The following COL5A2 variants were observed in gnomAD, a reference collection of about 807,000 sequenced individuals.
COL5A2 encodes collagen type V alpha 2 chain, also known as collagen alpha-2(V) chain.
COL5A2 carries 23 observed loss-of-function variants against 208.2 expected under a neutral mutation model. The ratio of observed to expected loss-of-function variants is 0.11; its 90% CI spans 0.08 to 0.16. The LOEUF is 0.16. Among genes scored for constraint, COL5A2 ranks in the 10% least tolerant of loss-of-function variants. The pLI is 1.00. For synonymous variants in COL5A2, 625 were observed against 628.5 expected (o/e 0.99, Z 0.08); for missense variants, 1,590 against 1,956.4 (o/e 0.81, Z 3.53).
chr2:189,123,596 A>G (rs958722905), intron 1 of COL5A2, among the ~76,000 whole-genome samples: 1 of 152,180 alleles, frequency 6.6e-6, no homozygotes, highest in Non-Finnish European at 1.5e-5. Context: ...CACCCCTAGG[A>G]AAGTAACACA....
chr2:189,113,542 G>A (rs898174936), intron 1 of COL5A2, among the ~76,000 whole-genome samples: 5 of 149,654 alleles, frequency 3.3e-5, no homozygotes, highest in Non-Finnish European at 7.4e-5. Flanking sequence ...AACAATATAT[G>A]TATGTTTTAT....
chr2:189,105,987 T>C (rs1174853068), intron 2 of COL5A2, among the ~76,000 whole-genome samples: 1 of 151,494 alleles, frequency 6.6e-6, no homozygotes, highest in Non-Finnish European at 1.5e-5. Context: ...TTCAAGATTT[T>C]ATTTTATTCA....
the COL5A2 span, among the ~76,000 whole-genome samples, chr2:189,400,498 A>G: frequency 6.6e-6 from 1 of 152,062 alleles, no homozygotes; most frequent in Non-Finnish European, 1.5e-5. Context: ...TTTACAGGAT[A>G]TTTTTTTGCA....
the COL5A2 span, among the ~76,000 whole-genome samples, chr2:189,392,015 C>T: frequency 1.3e-5 from 2 of 152,062 alleles, no homozygotes; most frequent in Non-Finnish European, 2.9e-5. Flanking sequence ...TTTATTAAAA[C>T]ATTTTGCCAT....
upstream of COL5A2, among the ~76,000 whole-genome samples, chr2:189,182,518 C>T (rs1184544039): frequency 6.6e-6 from 1 of 152,030 alleles, no homozygotes; most frequent in African/African-American, 2.4e-5. Flanking sequence ...ACTTCTATTA[C>T]CACCACACTG....
At chr2:189,115,396 C>T (rs1345148721) in intron 1 of COL5A2, among the ~76,000 whole-genome samples, 2 of 146,098 alleles carry the variant, frequency 1.4e-5, no homozygotes, top group Admixed American at 6.9e-5. Context: ...CACACAATTA[C>T]ACCTGTGGGG....
At chr2:189,434,905 C>A in the COL5A2 span, among the ~76,000 whole-genome samples, 1 of 152,272 alleles carries the variant, frequency 6.6e-6, no homozygotes, top group East Asian at 1.9e-4. Flanking sequence ...CTGGGGGCAT[C>A]ACGCTACCTG....
the COL5A2 span, among the ~76,000 whole-genome samples, chr2:189,341,162 G>A: frequency 6.6e-6 from 1 of 152,066 alleles, no homozygotes; most frequent in African/African-American, 2.4e-5. Flanking sequence ...AGAAATTTGT[G>A]GTTCAGTTTA....
the COL5A2 span, among the ~76,000 whole-genome samples, chr2:189,254,777 G>C: frequency 6.6e-6 from 1 of 152,216 alleles, no homozygotes; most frequent in Non-Finnish European, 1.5e-5. Context: ...GTTGAGGCAT[G>C]CCAGGAAAAC....
At chr2:189,420,439 T>C in the COL5A2 span, among the ~76,000 whole-genome samples, 1 of 152,172 alleles carries the variant, frequency 6.6e-6, no homozygotes, top group Non-Finnish European at 1.5e-5. Context: ...TAATACTGTA[T>C]TATAGATGCC....
intron 17 of COL5A2, among the ~76,000 whole-genome samples, 159 bp from the exon 18 acceptor site, chr2:189,072,252 C>A (rs1318143286): frequency 6.6e-6 from 1 of 152,116 alleles, no homozygotes; most frequent in African/African-American, 2.4e-5. Context: ...ATTATAAGTA[C>A]CTTCAACATC....
At chr2:189,426,677 A>G in the COL5A2 span, among the ~76,000 whole-genome samples, 614 of 152,352 alleles carry the variant, frequency 4.0e-3, 7 homozygotes, top group African/African-American at 0.014. Context: ...CAGGGTTCAC[A>G]AACTTCAGTA....
At chr2:189,200,296 T>C (rs1026086482) in intron 1 of COL5A2, among the ~76,000 whole-genome samples, 2 of 152,194 alleles carry the variant, frequency 1.3e-5, no homozygotes, top group African/African-American at 2.4e-5. Context: ...TTCACATCTT[T>C]AATTGCTCAA....
intron 35 of COL5A2, 33 bp downstream of exon 35, chr2:189,056,940 T>C (rs192360671): frequency 1.3e-5 from 21 of 1,609,284 alleles, no homozygotes; most frequent in Non-Finnish European, 1.8e-5. Context: ...TGTTGGTTCC[T>C]AGCCCAGCTA....
the COL5A2 span, among the ~76,000 whole-genome samples, chr2:189,403,139 T>C: frequency 6.6e-6 from 1 of 152,198 alleles, no homozygotes; most frequent in South Asian, 2.1e-4. Flanking sequence ...CCTGGTGAGC[T>C]GCATTCCTAT....
At chr2:189,255,728 A>G in the COL5A2 span, among the ~76,000 whole-genome samples, 2 of 152,206 alleles carry the variant, frequency 1.3e-5, no homozygotes, top group African/African-American at 2.4e-5. Context: ...GGTAAAATAG[A>G]TATTAAAATA....
At chr2:189,212,640 A>G (rs1195065730) in intron 1 of COL5A2, among the ~76,000 whole-genome samples, 1 of 147,506 alleles carries the variant, frequency 6.8e-6, no homozygotes, top group East Asian at 2.0e-4. Context: ...CTCAGTCTCA[A>G]AAAAAAAAAA....
chr2:189,054,679 G>C (rs1000939299), intron 35 of COL5A2, among the ~76,000 whole-genome samples: 1 of 146,876 alleles, frequency 6.8e-6, no homozygotes, highest in Admixed American at 6.8e-5. Flanking sequence ...AGGCATTTTA[G>C]GTGTTTTTTC....
At chr2:189,226,081 C>T (rs1164038536), upstream of COL5A2, among the ~76,000 whole-genome samples, 1 of 152,154 alleles carries the variant, frequency 6.6e-6, no homozygotes, top group African/African-American at 2.4e-5. Flanking sequence ...AATATCATCA[C>T]ATAAACACTT....
Sources: gnomAD v4.1 joint callset for allele counts (sites outside exome capture counted in the v4.1 genomes callset) on GRCh38, gnomAD v4.1.1 for gene constraint, MANE v1.5 for transcripts, NCBI Gene and HGNC (gene_info 2026-07-23, HGNC 2026-07-21) for gene names.